VWC2: variants seen among roughly 807,000 people sequenced by gnomAD.
The protein encoded by VWC2 is von Willebrand factor C domain containing 2.
A neutral mutation model predicts 29.8 loss-of-function variants in VWC2; 14 were observed. The observed-to-expected ratio is 0.47, with a 90% CI of 0.31 to 0.74. The LOEUF is 0.74. Among genes scored for constraint, VWC2 ranks in the 30% least tolerant of loss-of-function variants. The pLI, the probability that VWC2 is intolerant of heterozygous loss-of-function variation, is 0.05. For missense variants in VWC2, 457 were observed against 459.8 expected (o/e 0.99, Z 0.05); for synonymous variants, 213 against 199.0 (o/e 1.07, Z -0.59).
At chr7:49,900,938 T>C (rs1792690780) in intron 3 of VWC2, among the ~76,000 whole-genome samples, 1 of 151,840 alleles carries the variant, frequency 6.6e-6, no homozygotes, top group Non-Finnish European at 1.5e-5. Context: ...TTATCCCAGG[T>C]ATGCCTTAAT....
intron 3 of VWC2, among the ~76,000 whole-genome samples, chr7:49,871,907 AAACAC>A (rs1451497540): frequency 1.5e-5 from 1 of 68,318 alleles, no homozygotes; most frequent in East Asian, 3.7e-4. Context: ...GTGTGTATAT[AAACAC>A]ACACACACAC....
At chr7:49,839,992 G>A (rs1365869734) in intron 3 of VWC2, among the ~76,000 whole-genome samples, 3 of 152,206 alleles carry the variant, frequency 2.0e-5, no homozygotes, top group Admixed American at 2.0e-4. Context: ...AGGCAGTAAG[G>A]TCTGTTTCCA....
chr7:49,856,095 C>T (rs143350728), intron 3 of VWC2, among the ~76,000 whole-genome samples: 4 of 152,300 alleles, frequency 2.6e-5, no homozygotes, highest in African/African-American at 9.6e-5. Flanking sequence ...CACCACCCTA[C>T]TGGGAGGCAA....
chr7:49,815,238 G>T (rs2128708172), intron 3 of VWC2, among the ~76,000 whole-genome samples: 1 of 152,282 alleles, frequency 6.6e-6, no homozygotes, highest in South Asian at 2.1e-4. Flanking sequence ...ACTTGTGTTT[G>T]CTGTTTTACT....
At chr7:49,880,581 TTTTA>T (rs10645724) in intron 3 of VWC2, among the ~76,000 whole-genome samples, 28 of 151,546 alleles carry the variant, frequency 1.8e-4, no homozygotes, top group Middle Eastern at 3.4e-3. Context: ...TATTTTTTAT[TTTTA>T]TTTATTTATT....
chr7:49,874,953 T>C (rs1791334584), intron 3 of VWC2, among the ~76,000 whole-genome samples: 1 of 152,136 alleles, frequency 6.6e-6, no homozygotes, highest in Non-Finnish European at 1.5e-5. Context: ...CAGTTTTAAA[T>C]TGTGCAGAGG....
chr7:49,874,906 G>A (rs530673248), intron 3 of VWC2, among the ~76,000 whole-genome samples: 2 of 152,126 alleles, frequency 1.3e-5, no homozygotes, highest in Non-Finnish European at 2.9e-5. Context: ...TTGTATGAGA[G>A]AGTGAGATTC....
intron 3 of VWC2, among the ~76,000 whole-genome samples, chr7:49,813,454 G>T (rs1430999143): frequency 6.6e-6 from 1 of 152,196 alleles, no homozygotes; most frequent in Non-Finnish European, 1.5e-5. Flanking sequence ...GTTGCTGCTG[G>T]TCTTCTGTTG....
chr7:49,887,780 T>C (rs1012742265), intron 3 of VWC2, among the ~76,000 whole-genome samples: 1 of 152,208 alleles, frequency 6.6e-6, no homozygotes, highest in Admixed American at 6.5e-5. Flanking sequence ...GCACTTCCAC[T>C]GTCTGGAATG....
Position 49,914,918 on chromosome 7 carries a change from A to G in VWC2, c.*2733A>G, listed in dbSNP as rs1419672955. 6.6e-6 allele frequency: 1 copy of G among 152,232 alleles called. No homozygotes were observed. The highest frequency in any genetic ancestry group is 1.5e-5 in the Non-Finnish European group (1 of 68,034). The allele number at this position is 152,232 out of a possible 1,614,324, so 9.4% of individuals were successfully genotyped here. A position where few individuals can be genotyped will look rare whatever the true frequency, so the allele number is the denominator to read the frequency against. On this transcript the variant is annotated 3_prime_UTR_variant, in exon 4 of 4. Coordinates refer to ENST00000340652, the MANE Select transcript of VWC2 (RefSeq NM_198570.5). The stretch of plus-strand genomic sequence containing the variant: ...ACTAAAATTCAAATAGGCCTGCTCT[A>G]TAAGTACCTAATAATTGTTAAATGA...
chr7:49,883,970 AG>A (rs1201721447), intron 3 of VWC2, among the ~76,000 whole-genome samples: 4 of 152,366 alleles, frequency 2.6e-5, no homozygotes, highest in Non-Finnish European at 5.9e-5. Flanking sequence ...GTGATGGTGG[AG>A]AAAGCATTTC....
chr7:49,868,830 G>T (rs550834016), intron 3 of VWC2, among the ~76,000 whole-genome samples: 1 of 152,220 alleles, frequency 6.6e-6, no homozygotes, highest in Non-Finnish European at 1.5e-5. Context: ...TGTTGGCCAG[G>T]CTGGTCTTGA....
intron 3 of VWC2, among the ~76,000 whole-genome samples, chr7:49,830,615 C>T (rs1473399300): frequency 2.6e-5 from 4 of 152,080 alleles, no homozygotes; most frequent in African/African-American, 9.7e-5. Flanking sequence ...GTGTGCTGCA[C>T]CCATTAACTG....
In VWC2 at chr7:49,775,688, G is replaced by C. The variant is rs1307587952; in HGVS notation, c.253G>C (p.Ala85Pro). Residue 85 changes from alanine (A) to proline (P), a missense_variant, in exon 2 of 4, where the codon GCC becomes CCC. This residue lies in a region of VWC2 where 272 missense variants were observed against 202.7 expected (regional missense o/e 1.34). Coordinates refer to ENST00000340652, the MANE Select transcript of VWC2 (RefSeq NM_198570.5). ...GAAGAGCAAGAGCGGCCGTGGGCTC[G>C]CCGGCCGTGAGCCGTGGAGCAAGCT... is the stretch of plus-strand genomic sequence containing the variant. ...DWKSKSGRGL[A>P]GREPWSKLKQ... The C allele has an allele frequency of 6.6e-6, 10 of 1,522,842 alleles. No homozygotes were observed. The highest frequency in any genetic ancestry group is 1.8e-6 in the Non-Finnish European group (2 of 1,138,556). The allele number at this position is 1,522,842 out of a possible 1,614,324, so 94.3% of individuals were successfully genotyped here. A position where few individuals can be genotyped will look rare whatever the true frequency, so the allele number is the denominator to read the frequency against.
At chr7:49,898,617 C>A (rs1025042833) in intron 3 of VWC2, among the ~76,000 whole-genome samples, 4 of 151,676 alleles carry the variant, frequency 2.6e-5, no homozygotes, top group East Asian at 1.9e-4. Flanking sequence ...ACACACATAC[C>A]CATATATGTA....
intron 3 of VWC2, among the ~76,000 whole-genome samples, chr7:49,828,547 T>C (rs954011877): frequency 6.6e-6 from 1 of 152,196 alleles, no homozygotes; most frequent in Non-Finnish European, 1.5e-5. Context: ...TCAGTCTTTC[T>C]AAAATTGTCC....
chr7:49,836,642 A>AAATC (rs1251866800), intron 3 of VWC2, among the ~76,000 whole-genome samples: 4 of 39,766 alleles, frequency 1.0e-4, no homozygotes, highest in African/African-American at 2.9e-4. Context: ...CCATCTCAAT[A>AAATC]AATAAATAAA....
intron 3 of VWC2, among the ~76,000 whole-genome samples, chr7:49,872,624 G>A (rs887379256): frequency 4.0e-5 from 6 of 151,550 alleles, no homozygotes; most frequent in Non-Finnish European, 8.8e-5. Context: ...CAGAATTTGG[G>A]GCTGGGCGCA....
intron 3 of VWC2, among the ~76,000 whole-genome samples, chr7:49,845,875 G>A (rs115370020): frequency 0.011 from 1,599 of 152,226 alleles, 25 homozygotes; most frequent in African/African-American, 0.036. Flanking sequence ...GTGTGAGTGC[G>A]TGTGCACACC....
Sources: gnomAD v4.1 joint callset for allele counts (sites outside exome capture counted in the v4.1 genomes callset) on GRCh38, gnomAD v4.1.1 for gene constraint, gnomAD v4.1.1 regional missense constraint, MANE v1.5 for transcripts, NCBI Gene and HGNC (gene_info 2026-07-23, HGNC 2026-07-21) for gene names.